RAB27A: variants seen among roughly 807,000 people sequenced by gnomAD.
RAB27A encodes RAB27A, member RAS oncogene family, also known as ras-related protein Rab-27A.
Under a neutral mutation model 20.8 loss-of-function variants are expected in RAB27A, and 17 were observed. That is an observed-to-expected ratio of 0.82 (90% CI 0.56 to 1.23). RAB27A has a LOEUF of 1.23. RAB27A is among the 50% of genes most tolerant of loss of function. The pLI is 0.00. For synonymous variants in RAB27A, 85 were observed against 92.8 expected, an observed-to-expected ratio of 0.92 and a Z score of 0.48; for missense variants, 277 against 266.7, an observed-to-expected ratio of 1.04 and a Z score of -0.27.
intron 2 of RAB27A, among the ~76,000 whole-genome samples, chr15:55,261,124 G>C (rs1356864450): frequency 6.6e-6 from 1 of 151,996 alleles, no homozygotes; most frequent in African/African-American, 2.4e-5. Context: ...GCCAGGCATG[G>C]TGGCTCATGG....
intron 2 of RAB27A, among the ~76,000 whole-genome samples, chr15:55,312,145 A>T (rs984234259): frequency 7.2e-5 from 11 of 152,356 alleles, no homozygotes; most frequent in Admixed American, 7.2e-4. Flanking sequence ...CAGTCCGATC[A>T]GGAGTGGCAA....
At chr15:55,232,669 TAC>T (rs1172159320) in intron 3 of RAB27A, among the ~76,000 whole-genome samples, 1 of 152,168 alleles carries the variant, frequency 6.6e-6, no homozygotes, top group African/African-American at 2.4e-5. Flanking sequence ...CAAGAAATAC[TAC>T]AGACAACTCT....
In RAB27A at chr15:55,262,768, T is replaced by A. The variant is rs574672451; in HGVS notation, c.-23+7397A>T. Among the ~76,000 whole-genome samples the A allele has an allele frequency of 3.2e-4, 49 of 152,032 alleles. 1 individual carries two copies. In the South Asian group the frequency reaches 9.1e-3, roughly 28 times the overall value. ...CCGCCCCAGCCTCCCTTGTCCAGGC[T>A]GGTCTGGAACTCCTGGGCTCAAGCC... On this transcript the variant is annotated intron_variant, in intron 2 of 6. Coordinates refer to ENST00000336787, the MANE Select transcript of RAB27A (RefSeq NM_183235.3).
chr15:55,278,109 C>G (rs973061250), intron 1 of RAB27A, among the ~76,000 whole-genome samples: 4 of 152,146 alleles, frequency 2.6e-5, no homozygotes, highest in Admixed American at 6.5e-5. Context: ...AGAAACATAA[C>G]CTGTAATTTG....
intron 2 of RAB27A, among the ~76,000 whole-genome samples, chr15:55,260,922 C>G (rs1455321816): frequency 1.3e-5 from 2 of 151,414 alleles, no homozygotes; most frequent in Admixed American, 1.3e-4. Flanking sequence ...CCAATCTAAA[C>G]TATGGACTTT....
At chr15:55,230,143 C>G (rs1895972910) in intron 4 of RAB27A, among the ~76,000 whole-genome samples, 1 of 151,508 alleles carries the variant, frequency 6.6e-6, no homozygotes. Context: ...GGAAATGGAG[C>G]AAAGTATCTA....
At chr15:55,239,803 G>C (rs1896408889) in intron 2 of RAB27A, among the ~76,000 whole-genome samples, 1 of 152,094 alleles carries the variant, frequency 6.6e-6, no homozygotes, top group African/African-American at 2.4e-5. Context: ...GAAAATTTCA[G>C]AGAAATAAAG....
intron 6 of RAB27A, 126 bp from the exon 7 acceptor site, chr15:55,205,831 C>A (rs1894623253): frequency 1.1e-6 from 1 of 875,290 alleles, no homozygotes; most frequent in Non-Finnish European, 1.9e-6. Flanking sequence ...TTTTACCACC[C>A]CAGAGTACAT....
At chr15:55,309,548 C>T (rs1350914374) in intron 2 of RAB27A, among the ~76,000 whole-genome samples, 1 of 152,198 alleles carries the variant, frequency 6.6e-6, no homozygotes, top group Non-Finnish European at 1.5e-5. Context: ...GGAGCTATCC[C>T]TGAACCCTTG....
At chr15:55,319,108 G>C (rs1337914211) in exon 1 of RAB27A, 3 of 983,604 alleles carry the variant, frequency 3.1e-6, no homozygotes, top group Middle Eastern at 3.4e-4. Flanking sequence ...AGGCCACCAC[G>C]TCGGGTGGGA....
intron 2 of RAB27A, chr15:55,314,008 A>G (rs2055032455): frequency 6.4e-6 from 1 of 156,930 alleles, no homozygotes; most frequent in African/African-American, 2.5e-5. Flanking sequence ...ATAAATAAAT[A>G]AATAAATAAA....
intron 2 of RAB27A, among the ~76,000 whole-genome samples, chr15:55,247,010 ATTC>A (rs1896713472): frequency 6.6e-6 from 1 of 152,210 alleles, no homozygotes; most frequent in African/African-American, 2.4e-5. Context: ...AATCATAGCT[ATTC>A]TTATGATTAT....
At position 55,269,930 on chromosome 15, in the gene RAB27A, T is replaced by C. The variant is rs529376955; in HGVS notation, c.-23+235A>G. ...AAAAACCTATGTTTCTTTATTCAAG[T>C]ACAGAAAAGAAAGGAAGAATGCGGT... On this transcript the variant is annotated intron_variant, in intron 2 of 6. Transcript: ENST00000336787. 9.7e-4 allele frequency: 147 copies of C among 152,250 alleles called. 1 individual carries two copies. Among genetic ancestry groups the C allele is most frequent in the African/African-American group, 3.4e-3 (141 of 41,534 alleles). The allele number at this position is 152,250 out of a possible 1,614,324, so 9.4% of individuals were successfully genotyped here.
intron 3 of RAB27A, among the ~76,000 whole-genome samples, chr15:55,231,131 T>G (rs1896016113): frequency 6.6e-6 from 1 of 152,226 alleles, no homozygotes; most frequent in African/African-American, 2.4e-5. Context: ...CTATCCATGT[T>G]GCTGCAAAAG....
intron 6 of RAB27A, among the ~76,000 whole-genome samples, chr15:55,210,978 A>T (rs1894999426): frequency 6.6e-6 from 1 of 152,152 alleles, no homozygotes; most frequent in Admixed American, 6.5e-5. Flanking sequence ...ATTGTTCTGC[A>T]TGTGGCTATG....
intron 1 of RAB27A, among the ~76,000 whole-genome samples, chr15:55,272,108 C>G (rs1172731827): frequency 6.6e-6 from 1 of 152,166 alleles, no homozygotes; most frequent in Non-Finnish European, 1.5e-5. Flanking sequence ...TTCATATTAG[C>G]ACTTCTCAAC....
At chr15:55,269,136 A>G (rs1039253209) in intron 2 of RAB27A, among the ~76,000 whole-genome samples, 1 of 152,180 alleles carries the variant, frequency 6.6e-6, no homozygotes, top group Non-Finnish European at 1.5e-5. Context: ...CAGAACTGTG[A>G]GGCAATAAAT....
chr15:55,293,786 G>A (rs1332436312), upstream of RAB27A, among the ~76,000 whole-genome samples: 1 of 152,068 alleles, frequency 6.6e-6, no homozygotes. Context: ...GCGTGGTGGT[G>A]GGTGCCTGTA....
At chr15:55,308,840 ATTAT>A (rs1193493474) in intron 2 of RAB27A, among the ~76,000 whole-genome samples, 2 of 152,314 alleles carry the variant, frequency 1.3e-5, no homozygotes, top group Admixed American at 6.5e-5. Context: ...TCTTCCCTGT[ATTAT>A]TTAAACTGCT....
Sources: allele counts gnomAD v4.1 joint callset (sites outside exome capture counted in the v4.1 genomes callset), GRCh38; gene constraint gnomAD v4.1.1; transcripts MANE v1.5; gene names NCBI Gene and HGNC (gene_info 2026-07-23, HGNC 2026-07-21).